Variants in C12orf42 observed in about 807,000 individuals in gnomAD.
The protein encoded by C12orf42 is uncharacterized protein C12orf42.
A neutral mutation model predicts 21.6 loss-of-function variants in C12orf42; 25 were observed. That is an observed-to-expected ratio of 1.16 (90% CI 0.84 to 1.62). The LOEUF is 1.62. Among genes scored for constraint, C12orf42 ranks in the 40% most tolerant of loss-of-function variants. The pLI is 0.00. For missense variants in C12orf42, 483 were observed against 459.3 expected, an observed-to-expected ratio of 1.05 and a Z score of -0.47; for synonymous variants, 174 against 175.0, an observed-to-expected ratio of 0.99 and a Z score of 0.05.
the C12orf42 span, among the ~76,000 whole-genome samples, chr12:103,051,694 T>TGG: frequency 6.6e-6 from 1 of 152,152 alleles, no homozygotes; most frequent in Non-Finnish European, 1.5e-5. Context: ...AGCAGGGTTT[T>TGG]GGGGAGTGTA....
chr12:103,470,649 G>A (rs186192790), intron 2 of C12orf42, among the ~76,000 whole-genome samples: 8 of 152,272 alleles, frequency 5.3e-5, no homozygotes, highest in African/African-American at 9.6e-5. Flanking sequence ...TGTGATTTCC[G>A]AGTCTAGGTG....
chr12:103,454,005 C>T (rs1952124834), intron 2 of C12orf42, among the ~76,000 whole-genome samples: 1 of 152,088 alleles, frequency 6.6e-6, no homozygotes. Context: ...CATCTAACCA[C>T]CCTACCATCA....
At chr12:103,201,930 C>CA in the C12orf42 span, among the ~76,000 whole-genome samples, 43 of 151,480 alleles carry the variant, frequency 2.8e-4, 1 homozygote, top group Middle Eastern at 0.01. Context: ...AGTAATTAGC[C>CA]AAAAAAAAGC....
At chr12:103,239,263 T>C (rs2033613290) in intron 10 of C12orf42, among the ~76,000 whole-genome samples, 1 of 152,188 alleles carries the variant, frequency 6.6e-6, no homozygotes, top group African/African-American at 2.4e-5. Context: ...GTCAGCATCA[T>C]CATCTTTGTT....
At chr12:103,487,785 T>A (rs748274347) in intron 1 of C12orf42, among the ~76,000 whole-genome samples, 4 of 152,130 alleles carry the variant, frequency 2.6e-5, no homozygotes, top group Non-Finnish European at 4.4e-5. Flanking sequence ...AACCCCTCCT[T>A]TTTTTTGCTT....
the C12orf42 span, among the ~76,000 whole-genome samples, chr12:103,148,775 A>G: frequency 5.3e-5 from 8 of 152,212 alleles, no homozygotes; most frequent in African/African-American, 1.9e-4. Context: ...AAGTGAAACT[A>G]TTACCTACTC....
At chr12:103,363,484 T>C (rs1000319551) in intron 4 of C12orf42, among the ~76,000 whole-genome samples, 7 of 152,118 alleles carry the variant, frequency 4.6e-5, no homozygotes, top group African/African-American at 1.2e-4. Flanking sequence ...AATGGATTAG[T>C]ACCTCACATC....
the C12orf42 span, among the ~76,000 whole-genome samples, chr12:103,079,964 G>C: frequency 6.6e-6 from 1 of 152,134 alleles, no homozygotes; most frequent in South Asian, 2.1e-4. Context: ...ATTCCATCTA[G>C]TCTGTAATTG....
At chr12:103,311,273 G>A (rs1329799651) in intron 4 of C12orf42, among the ~76,000 whole-genome samples, 1 of 151,902 alleles carries the variant, frequency 6.6e-6, no homozygotes, top group Non-Finnish European at 1.5e-5. Flanking sequence ...TGTTGGGACA[G>A]GTGGTGACTA....
At chr12:103,050,965 A>G in the C12orf42 span, among the ~76,000 whole-genome samples, 1 of 152,152 alleles carries the variant, frequency 6.6e-6, no homozygotes, top group Non-Finnish European at 1.5e-5. Context: ...ACGACAATCA[A>G]CAATTCTGTG....
intron 10 of C12orf42, among the ~76,000 whole-genome samples, chr12:103,250,678 T>C (rs889833172): frequency 6.6e-6 from 1 of 152,164 alleles, no homozygotes; most frequent in Admixed American, 6.5e-5. Flanking sequence ...CCTGTAGATG[T>C]TGACTTATAG....
At chr12:103,188,267 G>A in the C12orf42 span, among the ~76,000 whole-genome samples, 35 of 151,896 alleles carry the variant, frequency 2.3e-4, no homozygotes, top group Non-Finnish European at 3.8e-4. Flanking sequence ...TGTCTAACAT[G>A]TTTCTTTCTT....
intron 3 of C12orf42, among the ~76,000 whole-genome samples, chr12:103,382,703 A>G (rs1337835545): frequency 6.6e-6 from 1 of 152,218 alleles, no homozygotes; most frequent in Admixed American, 6.5e-5. Flanking sequence ...TAAACTTGCT[A>G]AAGGACAGTT....
intron 2 of C12orf42, among the ~76,000 whole-genome samples, chr12:103,446,915 G>A (rs991019439): frequency 6.6e-6 from 1 of 151,984 alleles, no homozygotes; most frequent in Non-Finnish European, 1.5e-5. Flanking sequence ...ACAATAGTGG[G>A]AGACTTTAAT....
At chr12:103,500,628 T>C (rs1422212797), upstream of C12orf42, among the ~76,000 whole-genome samples, 3 of 152,236 alleles carry the variant, frequency 2.0e-5, no homozygotes, top group Non-Finnish European at 4.4e-5. Flanking sequence ...ATTAATCAGA[T>C]GAGAATCAGT....
At chr12:103,417,273 T>A (rs1566278902) in intron 2 of C12orf42, among the ~76,000 whole-genome samples, 1 of 152,300 alleles carries the variant, frequency 6.6e-6, no homozygotes, top group Non-Finnish European at 1.5e-5. Flanking sequence ...AACCTAATTA[T>A]CTTGTAGCAC....
chr12:103,278,294 G>T (rs892753224), intron 4 of C12orf42, among the ~76,000 whole-genome samples: 11 of 152,102 alleles, frequency 7.2e-5, no homozygotes, highest in African/African-American at 2.7e-4. Context: ...TTCAAAAGAT[G>T]CTTTTAGAAA....
At chr12:103,164,578 T>A in the C12orf42 span, 1 of 419,186 alleles carries the variant, frequency 2.4e-6, no homozygotes, top group African/African-American at 2.1e-5. Flanking sequence ...ATAAAAGACA[T>A]TGTCCTGAAG....
the C12orf42 span, among the ~76,000 whole-genome samples, chr12:103,049,974 T>C: frequency 1.3e-5 from 2 of 152,338 alleles, no homozygotes; most frequent in Non-Finnish European, 2.9e-5. Flanking sequence ...ATGCTCCATG[T>C]ATTTATTTAC....
Sources: allele counts gnomAD v4.1 joint callset (sites outside exome capture counted in the v4.1 genomes callset), GRCh38; gene constraint gnomAD v4.1.1; transcripts MANE v1.5; gene names NCBI Gene and HGNC (gene_info 2026-07-23, HGNC 2026-07-21).